Variants in VILL observed in about 807,000 individuals in gnomAD.
VILL encodes villin like, also known as villin-like protein.
A neutral mutation model predicts 106.3 loss-of-function variants in VILL; 102 were observed. That is an observed-to-expected ratio of 0.96 (90% CI 0.82 to 1.13). The LOEUF is 1.13. Among genes scored for constraint, VILL ranks in the 50% most tolerant of loss-of-function variants. The pLI is 0.00. For synonymous variants in VILL, 431 were observed against 440.3 expected, an observed-to-expected ratio of 0.98 and a Z score of 0.27; for missense variants, 1,076 against 1,116.6, an observed-to-expected ratio of 0.96 and a Z score of 0.52.
chr3:37,999,167 G>C, intron 10 of VILL, 117 bp downstream of exon 10: 1 of 1,210,662 alleles, frequency 8.3e-7, no homozygotes, highest in African/African-American at 1.6e-5. Flanking sequence ...GGAGGGGGCG[G>C]GGCCTGGTCT....
intron 19 of VILL, 69 bp from the exon 20 acceptor site, chr3:38,006,873 C>A: frequency 6.5e-7 from 1 of 1,527,834 alleles, no homozygotes; most frequent in South Asian, 1.2e-5. Flanking sequence ...ACTGACACTA[C>A]TGAGTGGGGC....
In VILL at chr3:37,997,640, G is replaced by A; in HGVS notation, c.719G>A (p.Ser240Asn). 1 of 1,527,568 alleles carries A rather than the reference G, an allele frequency of 6.5e-7. No individual in the cohort carries two copies. The highest frequency in any genetic ancestry group is 8.9e-7 in the Non-Finnish European group (1 of 1,127,328). The allele number at this position is 1,527,568 out of a possible 1,614,324, so 94.6% of individuals were successfully genotyped here. ...GGCAGCCTGCGTGCCGCCACGCCCA[G>A]CAAGGATATCAACCAGCTGCAGAAG... is the stretch of plus-strand genomic sequence containing the variant. ...RVGSLRAATP[S>N]KDINQLQKAN... is the part of the protein sequence containing the mutation. The change falls in exon 7 of 20, where the codon AGC becomes AAC. Residue 240 changes from serine to asparagine, a missense_variant. Coordinates refer to ENST00000383759, the MANE Select transcript of VILL (RefSeq NM_015873.4). The surrounding 1 kb of genome is among the most constrained non-coding windows in gnomAD (Gnocchi z 4.7).
Position 37,999,374 on chromosome 3 carries a change from C to A in VILL, c.1117C>A (p.Leu373Met). ...SIHVKLDVGK[L>M]HTQPKLAAQL... ...TCATGTAAAGCTGGACGTGGGCAAG[C>A]TGCACACCCAGCCTAAGTTAGCGGC... is the stretch of plus-strand genomic sequence containing the variant. The change falls in exon 11 of 20, where the codon CTG becomes ATG. Residue 373 changes from leucine to methionine, a missense_variant. By Grantham distance (15) the Leu-to-Met change is conservative (BLOSUM62 2). Coordinates refer to ENST00000383759, the MANE Select transcript of VILL (RefSeq NM_015873.4). 1 of 1,511,500 alleles carries A rather than the reference C, an allele frequency of 6.6e-7. No homozygotes were observed. 93.6% of individuals were successfully genotyped at this position (1,511,500 alleles called of 1,614,324 possible). A position where few individuals can be genotyped will look rare whatever the true frequency, so the allele number is the denominator to read the frequency against.
rs550342204 is a variant in VILL at position 37,994,419 on chromosome 3, G to A, written c.294G>A (p.Gln98=). ...AGACCGTGCTGCACCGCGAGGCGCA[G>A]GGCCACGAGTCCGACTGCTTCTGCA... ...GGQTVLHREA[Q]GHESDCFCSY... The change falls in exon 4 of 20, where the codon CAG becomes CAA. Residue 98 remains glutamine, a synonymous_variant. Coordinates refer to ENST00000383759, the MANE Select transcript of VILL (RefSeq NM_015873.4). 19 of 1,612,786 alleles carry A rather than the reference G, an allele frequency of 1.2e-5. No individual in the cohort carries two copies. The highest frequency in any genetic ancestry group is 6.7e-5 in the Admixed American group (4 of 59,986).
At position 37,993,925 on chromosome 3, in the gene VILL, G is replaced by T. The variant is rs1177215689; in HGVS notation, c.88G>T (p.Gly30Trp). The change falls in exon 3 of 20, where the codon GGG (glycine) becomes TGG (tryptophan). Residue 30 changes from glycine (G) to tryptophan (W), a missense_variant. Transcript: ENST00000383759. The part of the protein sequence containing the change: ...ENRKMVPVPE[G>W]AYGNFFEEHC... ...CCGGAAGATGGTGCCGGTACCCGAG[G>T]GGGCTTACGGGAACTTTTTTGAGGA... 6.2e-7 allele frequency: 1 copy of T among 1,614,074 alleles called. No homozygotes were observed. The highest frequency in any genetic ancestry group is 1.7e-5 in the Admixed American group (1 of 60,006).
rs1211085785 is a variant in VILL, at chr3:37,993,893, C to CCCAGAA, written c.61-2_64dup. ...GAGTTGTTACAGGGAACTCTCCTCT[C>CCCAGAA]CCAGAACCGGAAGATGGTGCCGGTA... On this transcript the variant is annotated splice_region_variant and splice_polypyrimidine_tract_variant and intron_variant, in intron 2 of 19. Transcript: ENST00000383759. 1 of 1,614,190 alleles carries CCCAGAA rather than the reference C, an allele frequency of 6.2e-7. No individual in the cohort carries two copies. Among genetic ancestry groups the CCCAGAA allele is most frequent in the Admixed American group, 1.7e-5 (1 of 60,036 alleles).
rs1181563285 is a variant in VILL at position 37,998,027 on chromosome 3, G to T, written c.765-63G>T. ...GGACTGGGGTGGGGTCCTAAATGGG[G>T]CTGGAGTGGAGACAGATCAGGGAGG... On this transcript the variant is annotated intron_variant, in intron 7 of 19. Transcript: ENST00000383759. The surrounding 1 kb of genome is among the most constrained non-coding windows in gnomAD (Gnocchi z 4.1). 12 of 1,502,520 alleles carry T rather than the reference G, an allele frequency of 8.0e-6. No homozygotes were observed. The South Asian group carries it at 1.5e-4, about 18-fold the overall frequency. 93.1% of individuals were successfully genotyped at this position (1,502,520 alleles called of 1,614,324 possible). A position where few individuals can be genotyped will look rare whatever the true frequency, so the allele number is the denominator to read the frequency against.
intron 4 of VILL, among the ~76,000 whole-genome samples, chr3:37,995,310 A>G (rs1699680784): frequency 6.6e-6 from 1 of 152,256 alleles, no homozygotes; most frequent in Non-Finnish European, 1.5e-5. Flanking sequence ...GAACACATGC[A>G]CACAAACATA....
chr3:38,003,049 A>G (rs897660404), intron 14 of VILL, 119 bp from the exon 15 acceptor site: 7 of 1,296,584 alleles, frequency 5.4e-6, no homozygotes, highest in Non-Finnish European at 7.3e-6. Context: ...TCCTGCTGTC[A>G]GCTTAGGCCT....
chr3:37,993,807 C>T (rs1464049408), intron 2 of VILL, 75 bp downstream of exon 2: 2 of 1,606,530 alleles, frequency 1.2e-6, no homozygotes, highest in East Asian at 2.2e-5. Flanking sequence ...CTTCTCCCGC[C>T]CCCAACTCAG....
At chr3:37,989,080 C>A (rs922043577), upstream of VILL, among the ~76,000 whole-genome samples, 3 of 152,086 alleles carry the variant, frequency 2.0e-5, no homozygotes, top group African/African-American at 7.2e-5. Context: ...AGGCAGGAGG[C>A]GTGAGAGGGA....
Position 38,006,187 on chromosome 3 carries a change from C to T in VILL, c.2140C>T (p.Pro714Ser), listed in dbSNP as rs757782442. The T allele has an allele frequency of 3.7e-6, 6 of 1,614,194 alleles. No individual in the cohort carries two copies. The highest frequency in any genetic ancestry group is 5.1e-6 in the Non-Finnish European group (6 of 1,180,030). Residue 714 changes from proline (P) to serine (S), a missense_variant, in exon 18 of 20, where the codon CCG (proline) becomes TCG (serine). Coordinates refer to ENST00000383759, the MANE Select transcript of VILL (RefSeq NM_015873.4). ...GCCCCGATTCTTGCTCCAGAGCCAC[C>T]CGTCCCACAAGGAAGTGGTGGATGG... ...TWDPYKWTSH[P>S]SHKEVVDGSP...
intron 15 of VILL, chr3:38,003,996 C>T: frequency 2.5e-6 from 1 of 395,730 alleles, no homozygotes. Flanking sequence ...CCTCCCCTAC[C>T]CCTGCAGCCC....
intron 13 of VILL, 34 bp downstream of exon 13, chr3:38,001,894 G>A: frequency 6.2e-7 from 1 of 1,613,742 alleles, no homozygotes; most frequent in South Asian, 1.1e-5. Context: ...GCCACAGCCT[G>A]CCCAGTTCTG....
At position 37,997,484 on chromosome 3, in the gene VILL, G is replaced by T. The variant is rs748619526; in HGVS notation, c.563G>T (p.Gly188Val). ...TGACTCCCAGGTCCTCTCCCGCAGG[G>T]GCTGGCTTTGACCTACAGCCTCCGG... ...PKTSISEKAR[G>V]LALTYSLRDR... is the part of the protein sequence containing the mutation. The change falls in exon 7 of 20, where the codon GGG becomes GTG. Residue 188 changes from glycine to valine, a missense_variant and splice_region_variant. Physicochemically the swap from Gly to Val is moderately radical, Grantham distance 109. Transcript: ENST00000383759. The surrounding 1 kb of genome is among the most constrained non-coding windows in gnomAD (Gnocchi z 4.7). 1.2e-6 allele frequency: 2 copies of T among 1,613,548 alleles called. No homozygotes were observed. The highest frequency in any genetic ancestry group is 1.7e-6 in the Non-Finnish European group (2 of 1,179,982).
chr3:38,002,836 TTC>T (rs146852558), intron 14 of VILL: 87,166 of 543,136 alleles, frequency 0.16, 8,128 homozygotes, highest in African/African-American at 0.31. Flanking sequence ...GGCATGTCCC[TTC>T]CCAGGTCTCT....
chr3:38,002,379 G>T lies in VILL; in HGVS notation c.1480-17G>T. On this transcript the variant is annotated splice_polypyrimidine_tract_variant and intron_variant, in intron 13 of 19. Transcript: ENST00000383759. ...CCTGGGAGCCCTTGCCCAGCCTGAG[G>T]CCTTGCTCTCCTATAGGAGAGAGCT... 6.3e-7 allele frequency: 1 copy of T among 1,585,334 alleles called. No individual in the cohort carries two copies. The highest frequency in any genetic ancestry group is 8.6e-7 in the Non-Finnish European group (1 of 1,163,184).
At chr3:38,002,178 G>GC in intron 13 of VILL, 8 of 634,058 alleles carry the variant, frequency 1.3e-5, no homozygotes, top group Non-Finnish European at 1.9e-5. Context: ...AGAGATGGGG[G>GC]GAAAGGTCCA....
chr3:37,997,072 G>A lies in VILL; in HGVS notation c.451-5G>A. 1 of 1,613,478 alleles carries A rather than the reference G, an allele frequency of 6.2e-7. No individual in the cohort carries two copies. Among genetic ancestry groups the A allele is most frequent in the Non-Finnish European group, 8.5e-7 (1 of 1,179,536 alleles). On this transcript the variant is annotated splice_polypyrimidine_tract_variant and splice_region_variant and intron_variant, in intron 5 of 19. Coordinates refer to ENST00000383759, the MANE Select transcript of VILL (RefSeq NM_015873.4). This position sits in a 1 kb window ranked among gnomAD's most constrained non-coding sequence, Gnocchi z 4.7. ...ACACTCTGTCTCTCTCCCTGGCTCT[G>A]GCAGGTGGAGCTCTCCTGGAACAGC... is the stretch of plus-strand genomic sequence containing the variant.
Sources: allele counts gnomAD v4.1 joint callset (sites outside exome capture counted in the v4.1 genomes callset), GRCh38; gene constraint gnomAD v4.1.1; non-coding constraint Gnocchi (gnomAD v3.1); transcripts MANE v1.5; gene names NCBI Gene and HGNC (gene_info 2026-07-23, HGNC 2026-07-21).